The following DST variants were observed in gnomAD, a reference collection of about 807,000 sequenced individuals.
DST encodes dystonin.
In DST, 253 loss-of-function variants were observed where a neutral mutation model predicts 875.2. The ratio of observed to expected loss-of-function variants is 0.29; its 90% CI spans 0.26 to 0.32. DST has a LOEUF of 0.32. Among genes scored for constraint, DST ranks in the 10% least tolerant of loss-of-function variants. DST has a pLI of 1.00. For synonymous variants in DST, 3,124 were observed against 3,197.1 expected (o/e 0.98, Z 0.77); for missense variants, 8,287 against 9,111.6 (o/e 0.91, Z 3.68).
At chr6:56,624,303 G>T in intron 36 of DST, 1 of 638,426 alleles carries the variant, frequency 1.6e-6, no homozygotes. Context: ...AAAATGTAAA[G>T]TCATGAAGTG....
intron 54 of DST, among the ~76,000 whole-genome samples, chr6:56,569,230 C>T (rs1198304341): frequency 6.7e-6 from 1 of 149,208 alleles, no homozygotes; most frequent in Non-Finnish European, 1.5e-5. Flanking sequence ...GAGGCTGAGG[C>T]AGGAGAATGG....
chr6:56,878,209 A>G (rs2127627555), intron 3 of DST, among the ~76,000 whole-genome samples: 1 of 152,314 alleles, frequency 6.6e-6, no homozygotes, highest in African/African-American at 2.4e-5. Flanking sequence ...GTAGAAAGCT[A>G]TTTATGTCTT....
At chr6:56,577,619 C>A (rs534371978) in intron 50 of DST, among the ~76,000 whole-genome samples, 10 of 152,112 alleles carry the variant, frequency 6.6e-5, no homozygotes, top group Non-Finnish European at 8.8e-5. Flanking sequence ...CTTAAAAGAG[C>A]TAAGTTCCAT....
intron 10 of DST, among the ~76,000 whole-genome samples, chr6:56,663,642 A>G (rs1235236145): frequency 6.6e-6 from 1 of 152,234 alleles, no homozygotes; most frequent in Non-Finnish European, 1.5e-5. Flanking sequence ...CCTCCAGGTC[A>G]TGCTATTAAA....
intron 43 of DST, among the ~76,000 whole-genome samples, chr6:56,602,452 G>A (rs1160832897): frequency 6.6e-6 from 1 of 151,912 alleles, no homozygotes; most frequent in Non-Finnish European, 1.5e-5. Context: ...CTAGGTCTGT[G>A]TAAGTACACT....
At chr6:56,679,696 C>A (rs2099148009) in intron 9 of DST, among the ~76,000 whole-genome samples, 1 of 151,864 alleles carries the variant, frequency 6.6e-6, no homozygotes, top group Non-Finnish European at 1.5e-5. Context: ...CACCTGGGCC[C>A]AGGAGGTCAA....
At position 56,628,146 on chromosome 6, in the gene DST, C is replaced by G; in HGVS notation, c.4491G>C (p.Glu1497Asp). Residue 1497 changes from glutamate to aspartate, a missense_variant, in exon 33 of 104, where the codon GAG (glutamate) becomes GAC (aspartate). Physicochemically the swap from Glu to Asp is conservative, Grantham distance 45. Transcript: ENST00000680361. Reference sequence around the variant, plus strand: ...AGTACTTCAGTGATTTGCCAATGCCCTCTAAGTCCCGTAACCTAAGAGAAT... The same window carrying G: ...AGTACTTCAGTGATTTGCCAATGCCGTCTAAGTCCCGTAACCTAAGAGAAT... Reference protein sequence around the residue: ...VQIDNRLRDLEGIGKSLKYYR... With the variant: ...VQIDNRLRDLDGIGKSLKYYR... 1.2e-6 allele frequency: 2 copies of G among 1,613,600 alleles called. No individual in the cohort carries two copies. The highest frequency in any genetic ancestry group is 2.2e-5 in the South Asian group (2 of 91,074).
At chr6:56,874,545 TC>T (rs1164033883) in intron 3 of DST, among the ~76,000 whole-genome samples, 1 of 152,170 alleles carries the variant, frequency 6.6e-6, no homozygotes, top group African/African-American at 2.4e-5. Context: ...TCTCATTTAA[TC>T]CCTGCAACAA....
chr6:56,946,563 T>C (rs1442974954), intron 2 of DST, among the ~76,000 whole-genome samples: 1 of 152,130 alleles, frequency 6.6e-6, no homozygotes, highest in African/African-American at 2.4e-5. Flanking sequence ...AGGGGATGAC[T>C]AATAGAATAT....
intron 2 of DST, among the ~76,000 whole-genome samples, chr6:56,914,366 T>C (rs941474234): frequency 8.5e-5 from 13 of 152,290 alleles, no homozygotes; most frequent in African/African-American, 3.1e-4. Flanking sequence ...GGCCAGTTGC[T>C]GAGAGGGTGG....
intron 3 of DST, chr6:56,871,857 G>A (rs9464401): frequency 0.23 from 58,986 of 255,680 alleles, 10,001 homozygotes; most frequent in African/African-American, 0.55. Context: ...GCCCACAATG[G>A]GGTTAACAGA....
intron 3 of DST, among the ~76,000 whole-genome samples, chr6:56,891,091 A>T (rs1298355212): frequency 6.6e-6 from 1 of 152,238 alleles, no homozygotes; most frequent in Non-Finnish European, 1.5e-5. Context: ...GAGGACACAA[A>T]GCCTCAGTTC....
At chr6:56,664,314 G>A (rs560632135) in intron 10 of DST, among the ~76,000 whole-genome samples, 1 of 152,342 alleles carries the variant, frequency 6.6e-6, no homozygotes, top group South Asian at 2.1e-4. Context: ...GAGAATGAGA[G>A]AAGCCAGACA....
chr6:56,765,425 A>C (rs1423316982), intron 4 of DST, among the ~76,000 whole-genome samples: 1 of 152,254 alleles, frequency 6.6e-6, no homozygotes, highest in Non-Finnish European at 1.5e-5. Context: ...CTCAAGGAAG[A>C]AGTCAGGTAG....
chr6:56,645,105 CT>C (rs887322618), intron 15 of DST, among the ~76,000 whole-genome samples: 2 of 152,204 alleles, frequency 1.3e-5, no homozygotes, highest in African/African-American at 4.8e-5. Context: ...AATTAAACCT[CT>C]TTCCTTTATA....
At chr6:56,821,073 G>C (rs147393425) in intron 4 of DST, among the ~76,000 whole-genome samples, 2 of 152,318 alleles carry the variant, frequency 1.3e-5, no homozygotes, top group Admixed American at 1.3e-4. Context: ...TAAAAGCTAA[G>C]TGCCAAACTG....
intron 4 of DST, among the ~76,000 whole-genome samples, chr6:56,746,294 T>C (rs1318276447): frequency 6.6e-6 from 1 of 152,192 alleles, no homozygotes; most frequent in Non-Finnish European, 1.5e-5. Flanking sequence ...CCACAAAGAC[T>C]CTTTTGAGAG....
intron 4 of DST, among the ~76,000 whole-genome samples, chr6:56,739,295 T>G (rs1563948994): frequency 6.6e-6 from 1 of 152,030 alleles, no homozygotes; most frequent in African/African-American, 2.4e-5. Context: ...GTCCTAAATG[T>G]CTTTCGGCCT....
chr6:56,678,876 C>T lies in DST; in HGVS notation c.1048-8069G>A, dbSNP rs561692484. Among the ~76,000 whole-genome samples the T allele has an allele frequency of 1.7e-3, 252 of 152,324 alleles. 1 individual carries two copies. Among genetic ancestry groups the T allele is most frequent in the South Asian group, 4.6e-3 (22 of 4,820 alleles). ...TTCTTTCCCTTCCCACAAATTGCTG[C>T]CGCCAGAGACTCAAAGTTTTTTTCT... On this transcript the variant is annotated intron_variant, in intron 9 of 103. Transcript: ENST00000680361.
Sources: gnomAD v4.1 joint callset for allele counts (sites outside exome capture counted in the v4.1 genomes callset) on GRCh38, gnomAD v4.1.1 for gene constraint, MANE v1.5 for transcripts, NCBI Gene and HGNC (gene_info 2026-07-23, HGNC 2026-07-21) for gene names.